The following GADL1 variants were observed in gnomAD, a reference collection of about 807,000 sequenced individuals.
GADL1 encodes the protein acidic amino acid decarboxylase GADL1.
Under a neutral mutation model 69.5 loss-of-function variants are expected in GADL1, and 71 were observed. That is an observed-to-expected ratio of 1.02 (90% confidence interval 0.84 to 1.25). The LOEUF is 1.25. Among genes scored for constraint, GADL1 ranks in the 50% most tolerant of loss-of-function variants. GADL1 has a pLI of 0.00. For synonymous variants in GADL1, 254 were observed against 214.4 expected (o/e 1.18, Z -1.62); for missense variants, 737 against 631.8 (o/e 1.17, Z -1.79).
At chr3:30,767,195 T>TG (rs1696302037) in intron 14 of GADL1, among the ~76,000 whole-genome samples, 1 of 152,142 alleles carries the variant, frequency 6.6e-6, no homozygotes. Context: ...ATGCAGCCAG[T>TG]GAGTGGCAGA....
At chr3:30,812,699 G>A (rs1304777909) in intron 11 of GADL1, among the ~76,000 whole-genome samples, 1 of 152,164 alleles carries the variant, frequency 6.6e-6, no homozygotes, top group Non-Finnish European at 1.5e-5. Flanking sequence ...TCAGAAGCTA[G>A]TATCAACAGA....
At chr3:30,785,387 T>TAC (rs60763950) in intron 13 of GADL1, among the ~76,000 whole-genome samples, 78 of 144,878 alleles carry the variant, frequency 5.4e-4, no homozygotes, top group African/African-American at 2.1e-3. Flanking sequence ...TTTTTCTTTT[T>TAC]TTTTTTTTCC....
At chr3:30,768,236 G>T (rs1696330940) in intron 14 of GADL1, among the ~76,000 whole-genome samples, 1 of 152,142 alleles carries the variant, frequency 6.6e-6, no homozygotes, top group Non-Finnish European at 1.5e-5. Flanking sequence ...AATAGCAAAA[G>T]CAGATGTGAG....
intron 4 of GADL1, among the ~76,000 whole-genome samples, chr3:30,853,911 A>G (rs1416956185): frequency 6.6e-6 from 1 of 152,102 alleles, no homozygotes; most frequent in Non-Finnish European, 1.5e-5. Flanking sequence ...AATGGCACCT[A>G]GTGACTTAGA....
Position 30,760,253 on chromosome 3 carries a change from G to A in GADL1, c.1392+17926C>T, listed in dbSNP as rs1046762254. ...GAGGTTCATCTCCTTCGTTTCCATA[G>A]CAATACATATTACTCATACCCCAGT... is the stretch of plus-strand genomic sequence containing the variant. On this transcript the variant is annotated intron_variant, in intron 14 of 14. Transcript: ENST00000282538. 1.4e-4 allele frequency among the ~76,000 whole-genome samples: 21 copies of A among 152,128 alleles called. 1 individual carries two copies. Among genetic ancestry groups the A allele is most frequent in the African/African-American group, 5.1e-4 (21 of 41,430 alleles).
chr3:30,732,639 AG>A (rs1413358574), intron 14 of GADL1, among the ~76,000 whole-genome samples: 1 of 152,236 alleles, frequency 6.6e-6, no homozygotes, highest in Non-Finnish European at 1.5e-5. Context: ...TTCGATAAAA[AG>A]CTTCTGACCA....
At chr3:30,800,806 GACACACACACACACACAC>G (rs35529398) in intron 12 of GADL1, 65 bp downstream of exon 12, 593 of 726,978 alleles carry the variant, frequency 8.2e-4, no homozygotes, top group East Asian at 3.6e-3. Context: ...GACACAGATA[GACACACACACACACACAC>G]ACACACACAC....
chr3:30,768,386 G>T (rs1244026985), intron 14 of GADL1, among the ~76,000 whole-genome samples: 2 of 152,094 alleles, frequency 1.3e-5, no homozygotes, highest in Non-Finnish European at 2.9e-5. Flanking sequence ...TTATTTTCAG[G>T]AGTTTGGTCC....
chr3:30,859,572 G>C (rs1367486958), intron 2 of GADL1, among the ~76,000 whole-genome samples: 1 of 151,858 alleles, frequency 6.6e-6, no homozygotes, highest in African/African-American at 2.4e-5. Context: ...TGAAGATATA[G>C]AACAGTTCCA....
At chr3:30,842,134 A>C (rs1419549981) in intron 8 of GADL1, among the ~76,000 whole-genome samples, 1 of 152,184 alleles carries the variant, frequency 6.6e-6, no homozygotes, top group Non-Finnish European at 1.5e-5. Context: ...GTATCAACCA[A>C]ATGCAATTTG....
intron 14 of GADL1, among the ~76,000 whole-genome samples, chr3:30,761,418 A>G (rs907884861): frequency 4.6e-5 from 7 of 152,184 alleles, no homozygotes; most frequent in Admixed American, 3.3e-4. Context: ...CCAGGCACCC[A>G]GTGTCGGTGG....
chr3:30,874,683 A>G (rs1698552391), intron 1 of GADL1, among the ~76,000 whole-genome samples: 1 of 151,984 alleles, frequency 6.6e-6, no homozygotes. Context: ...CCTATTTCAT[A>G]TAATCGTAGC....
chr3:30,823,494 A>G (rs1337459828), intron 11 of GADL1, among the ~76,000 whole-genome samples: 1 of 152,036 alleles, frequency 6.6e-6, no homozygotes, highest in Non-Finnish European at 1.5e-5. Context: ...TTGGTCCTGA[A>G]CTGCTAATTC....
intron 8 of GADL1, among the ~76,000 whole-genome samples, chr3:30,840,142 G>A (rs1411048125): frequency 6.6e-6 from 1 of 152,050 alleles, no homozygotes; most frequent in Admixed American, 6.6e-5. Context: ...TTAGCATGGA[G>A]CCATTTTTTC....
At chr3:30,779,479 C>A (rs954599106) in intron 13 of GADL1, among the ~76,000 whole-genome samples, 3 of 152,180 alleles carry the variant, frequency 2.0e-5, no homozygotes, top group Non-Finnish European at 4.4e-5. Context: ...CACTGTAATT[C>A]AACTCAATTT....
intron 1 of GADL1, among the ~76,000 whole-genome samples, chr3:30,872,130 T>C (rs992716216): frequency 2.2e-4 from 33 of 152,048 alleles, no homozygotes; most frequent in Non-Finnish European, 4.1e-4. Context: ...ACTTCTATAA[T>C]GGGTACAAAT....
At chr3:30,849,368 G>T (rs1325228482) in intron 6 of GADL1, among the ~76,000 whole-genome samples, 1 of 152,128 alleles carries the variant, frequency 6.6e-6, no homozygotes, top group Non-Finnish European at 1.5e-5. Context: ...ACAAATTTAG[G>T]AAACTGAGGC....
At chr3:30,778,370 G>A in intron 13 of GADL1, 102 bp from the exon 14 acceptor site, 1 of 725,222 alleles carries the variant, frequency 1.4e-6, no homozygotes, top group East Asian at 2.6e-5. Context: ...GAGTTATCAT[G>A]TGTATAAAAT....
intron 14 of GADL1, among the ~76,000 whole-genome samples, chr3:30,736,758 C>T (rs1695546987): frequency 6.6e-6 from 1 of 152,098 alleles, no homozygotes; most frequent in African/African-American, 2.4e-5. Context: ...ATAAAGTCAA[C>T]TTACATTTTT....
Sources: allele counts gnomAD v4.1 joint callset (sites outside exome capture counted in the v4.1 genomes callset), GRCh38; gene constraint gnomAD v4.1.1; transcripts MANE v1.5; gene names NCBI Gene and HGNC (gene_info 2026-07-23, HGNC 2026-07-21).